Variants in SOX6 observed in about 807,000 individuals in gnomAD.
SOX6 encodes SRY-box transcription factor 6, also known as transcription factor SOX-6.
SOX6 carries 11 observed loss-of-function variants against 97.8 expected under a neutral mutation model. The ratio of observed to expected loss-of-function variants is 0.11; its 90% CI spans 0.07 to 0.19. The LOEUF is 0.19. SOX6 is among the 10% of genes least tolerant of loss of function. The pLI, the probability that SOX6 is intolerant of heterozygous loss-of-function variation, is 1.00. For missense variants in SOX6, 810 were observed against 1,039.5 expected, an observed-to-expected ratio of 0.78 and a Z score of 3.04; for synonymous variants, 360 against 371.4, an observed-to-expected ratio of 0.97 and a Z score of 0.35.
intron 2 of SOX6, among the ~76,000 whole-genome samples, chr11:16,719,504 G>C (rs1466619194): frequency 6.6e-6 from 1 of 152,058 alleles, no homozygotes; most frequent in Non-Finnish European, 1.5e-5. Context: ...AAATTTTCCT[G>C]ATATAATTTA....
chr11:16,725,115 G>T (rs1344884549), intron 2 of SOX6, among the ~76,000 whole-genome samples: 1 of 152,152 alleles, frequency 6.6e-6, no homozygotes, highest in African/African-American at 2.4e-5. Context: ...CAACCCAAAT[G>T]CCTATAACTG....
chr11:16,073,541 G>C (rs947102269), intron 9 of SOX6, among the ~76,000 whole-genome samples: 4 of 152,074 alleles, frequency 2.6e-5, no homozygotes, highest in African/African-American at 9.7e-5. Flanking sequence ...CATCGAGCCA[G>C]AAATCTAACA....
intron 4 of SOX6, among the ~76,000 whole-genome samples, chr11:16,483,273 C>G (rs1860375917): frequency 6.6e-6 from 1 of 152,160 alleles, no homozygotes; most frequent in South Asian, 2.1e-4. Flanking sequence ...CTCTTTCCTC[C>G]TTCCCAAAGA....
chr11:16,231,548 C>G (rs964390143), intron 4 of SOX6, among the ~76,000 whole-genome samples: 2 of 151,784 alleles, frequency 1.3e-5, no homozygotes, highest in Non-Finnish European at 3.0e-5. Flanking sequence ...AAATACTACA[C>G]TCTTCCTGAA....
intron 4 of SOX6, among the ~76,000 whole-genome samples, chr11:16,509,792 G>T (rs1005741088): frequency 2.0e-5 from 3 of 151,884 alleles, no homozygotes; most frequent in South Asian, 2.1e-4. Context: ...TACACTTTGG[G>T]AATATTTATC....
At chr11:16,544,811 T>G (rs1847598983) in intron 4 of SOX6, among the ~76,000 whole-genome samples, 1 of 151,896 alleles carries the variant, frequency 6.6e-6, no homozygotes. Context: ...GACCCAGAAA[T>G]TATTAAATTA....
intron 3 of SOX6, chr11:16,264,831 G>C (rs1376514127): frequency 4.3e-5 from 6 of 138,616 alleles, no homozygotes; most frequent in Non-Finnish European, 9.2e-5. Flanking sequence ...CCAAGACGGA[G>C]GCTGAATTTA....
At chr11:16,032,554 A>G (rs1855405939) in intron 12 of SOX6, among the ~76,000 whole-genome samples, 1 of 152,122 alleles carries the variant, frequency 6.6e-6, no homozygotes, top group African/African-American at 2.4e-5. Context: ...ACTGTCTCCA[A>G]GTTTATCTAT....
intron 3 of SOX6, among the ~76,000 whole-genome samples, chr11:16,694,534 A>C (rs1848039157): frequency 6.6e-6 from 1 of 152,242 alleles, no homozygotes; most frequent in Non-Finnish European, 1.5e-5. Context: ...ATAAAAAAAT[A>C]AATAAATAAA....
intron 4 of SOX6, among the ~76,000 whole-genome samples, chr11:16,231,280 A>G (rs968339122): frequency 2.2e-4 from 33 of 151,782 alleles, no homozygotes; most frequent in African/African-American, 7.0e-4. Context: ...GAGTTCTTAG[A>G]AAACACTGAG....
chr11:16,722,172 C>T (rs934007805), intron 2 of SOX6, among the ~76,000 whole-genome samples: 2 of 151,850 alleles, frequency 1.3e-5, no homozygotes, highest in Admixed American at 1.3e-4. Flanking sequence ...AAAAGCAAAA[C>T]TATAATAAAC....
intron 4 of SOX6, among the ~76,000 whole-genome samples, chr11:16,543,583 T>C (rs1045444258): frequency 1.3e-5 from 2 of 152,022 alleles, no homozygotes; most frequent in Non-Finnish European, 1.5e-5. Flanking sequence ...CATAAAGAAC[T>C]CTTACAACTC....
At chr11:16,200,044 A>T (rs1851892057) in intron 4 of SOX6, among the ~76,000 whole-genome samples, 1 of 152,206 alleles carries the variant, frequency 6.6e-6, no homozygotes, top group Non-Finnish European at 1.5e-5. Context: ...TGCCCAAAGA[A>T]ATGACTGTCC....
intron 1 of SOX6, among the ~76,000 whole-genome samples, chr11:16,409,039 T>C (rs564890763): frequency 6.6e-6 from 1 of 152,214 alleles, no homozygotes; most frequent in African/African-American, 2.4e-5. Context: ...ACCTTCAACT[T>C]TGGTGCAAGA....
At chr11:16,310,820 C>T (rs1855579307) in intron 3 of SOX6, among the ~76,000 whole-genome samples, 1 of 151,870 alleles carries the variant, frequency 6.6e-6, no homozygotes, top group Non-Finnish European at 1.5e-5. Flanking sequence ...AGTGCTTCAC[C>T]AATATAACTT....
At chr11:15,994,051 A>G (rs1489315296) in intron 13 of SOX6, among the ~76,000 whole-genome samples, 2 of 152,232 alleles carry the variant, frequency 1.3e-5, no homozygotes, top group African/African-American at 4.8e-5. Flanking sequence ...GACACATTTC[A>G]TATGTACCCA....
intron 1 of SOX6, among the ~76,000 whole-genome samples, chr11:16,392,168 T>C (rs1283824769): frequency 1.3e-5 from 2 of 152,136 alleles, no homozygotes; most frequent in Non-Finnish European, 2.9e-5. Context: ...TATGTAATGG[T>C]ATATATTTGT....
chr11:16,211,675 A>T (rs1009011892), intron 4 of SOX6, among the ~76,000 whole-genome samples: 1 of 152,094 alleles, frequency 6.6e-6, no homozygotes, highest in African/African-American at 2.4e-5. Context: ...GCAAGAAAAG[A>T]GCTAAGACCA....
At chr11:16,062,228 T>C (rs1002435522) in intron 9 of SOX6, among the ~76,000 whole-genome samples, 8 of 151,644 alleles carry the variant, frequency 5.3e-5, no homozygotes, top group Non-Finnish European at 1.2e-4. Flanking sequence ...TTAACACAGA[T>C]AGTCTAGTTA....
Sources: gnomAD v4.1 joint callset for allele counts (sites outside exome capture counted in the v4.1 genomes callset) on GRCh38, gnomAD v4.1.1 for gene constraint, MANE v1.5 for transcripts, NCBI Gene and HGNC (gene_info 2026-07-23, HGNC 2026-07-21) for gene names.